NEGR1: variants seen among roughly 807,000 people sequenced by gnomAD.
NEGR1 encodes the protein IgLON family member 4.
In NEGR1, 10 loss-of-function variants were observed where a neutral mutation model predicts 40.9. The observed-to-expected ratio is 0.24, with a 90% confidence interval of 0.15 to 0.42. The LOEUF (loss-of-function observed/expected upper bound fraction) is 0.42. Among genes scored for constraint, NEGR1 ranks in the 10% least tolerant of loss-of-function variants. NEGR1 has a pLI of 1.00. For synonymous variants in NEGR1, 185 were observed against 166.8 expected (o/e 1.11, Z -0.84); for missense variants, 352 against 438.9 (o/e 0.80, Z 1.77).
intron 1 of NEGR1, among the ~76,000 whole-genome samples, chr1:72,090,550 A>G (rs1337328508): frequency 6.6e-6 from 1 of 152,102 alleles, no homozygotes; most frequent in Non-Finnish European, 1.5e-5. Flanking sequence ...AACCTATCTA[A>G]GTGCCTAATT....
At chr1:72,139,809 T>C (rs1240904626) in intron 1 of NEGR1, among the ~76,000 whole-genome samples, 1 of 152,080 alleles carries the variant, frequency 6.6e-6, no homozygotes, top group Non-Finnish European at 1.5e-5. Flanking sequence ...GATTGTATGA[T>C]GGATGGATTC....
intron 6 of NEGR1, among the ~76,000 whole-genome samples, chr1:71,419,739 C>T (rs1477005911): frequency 6.6e-6 from 1 of 152,008 alleles, no homozygotes; most frequent in Admixed American, 6.6e-5. Context: ...TACTCCTCTC[C>T]TCTGCAACCT....
intron 1 of NEGR1, among the ~76,000 whole-genome samples, chr1:72,196,625 C>T (rs1376986814): frequency 1.3e-5 from 2 of 149,766 alleles, no homozygotes; most frequent in Admixed American, 6.7e-5. Flanking sequence ...ACAAAATTAG[C>T]GAGGCGTAGT....
At chr1:71,835,463 A>G (rs561397922) in intron 2 of NEGR1, among the ~76,000 whole-genome samples, 2 of 152,264 alleles carry the variant, frequency 1.3e-5, no homozygotes, top group East Asian at 3.9e-4. Context: ...TTTTGTTATT[A>G]CTGTCCTGCA....
At chr1:72,242,109 C>T (rs1053326436) in intron 1 of NEGR1, among the ~76,000 whole-genome samples, 1 of 151,646 alleles carries the variant, frequency 6.6e-6, no homozygotes, top group African/African-American at 2.4e-5. Context: ...ATTATGGTGT[C>T]ATTATCATAG....
intron 1 of NEGR1, among the ~76,000 whole-genome samples, chr1:71,969,003 T>C (rs1646234096): frequency 6.6e-6 from 1 of 151,868 alleles, no homozygotes; most frequent in South Asian, 2.1e-4. Context: ...CTACATCTCA[T>C]ATGTTTTTTT....
intron 6 of NEGR1, among the ~76,000 whole-genome samples, chr1:71,428,812 T>C (rs540638813): frequency 6.6e-6 from 1 of 151,890 alleles, no homozygotes; most frequent in Non-Finnish European, 1.5e-5. Context: ...AAAATCTTTG[T>C]TCTTAAGCAC....
At chr1:72,210,587 C>T (rs555244016) in intron 1 of NEGR1, among the ~76,000 whole-genome samples, 11 of 151,828 alleles carry the variant, frequency 7.2e-5, no homozygotes, top group Non-Finnish European at 1.5e-4. Flanking sequence ...ATTTTTGTTG[C>T]AAAGTTGAAG....
intron 1 of NEGR1, among the ~76,000 whole-genome samples, chr1:72,073,802 CA>C (rs200568648): frequency 1.2e-4 from 17 of 141,838 alleles, no homozygotes; most frequent in African/African-American, 2.6e-4. Context: ...ATTTTTTTTC[CA>C]AAAAAAAATA....
rs937093439 is a variant in NEGR1 at position 71,400,494 on chromosome 1, A to G, written c.*6952T>C. 1 of 151,946 alleles carries G rather than the reference A, an allele frequency of 6.6e-6. No individual in the cohort carries two copies. The highest frequency in any genetic ancestry group is 2.4e-5 in the African/African-American group (1 of 41,380). The allele number at this position is 151,946 out of a possible 1,614,324, so 9.4% of individuals were successfully genotyped here. ...TCTTTTTAACAAGTGCCCAAAATAT[A>G]TTATTTTTTCAACAAGGTGGATTCT... On this transcript the variant is annotated 3_prime_UTR_variant, in exon 7 of 7. Transcript: ENST00000357731.
At chr1:71,724,858 T>A (rs1654622557) in intron 3 of NEGR1, among the ~76,000 whole-genome samples, 1 of 152,082 alleles carries the variant, frequency 6.6e-6, no homozygotes, top group African/African-American at 2.4e-5. Flanking sequence ...TTTCTTGTGA[T>A]CTCTAACCAC....
At chr1:72,051,677 G>A (rs1297517239) in intron 1 of NEGR1, among the ~76,000 whole-genome samples, 1 of 151,382 alleles carries the variant, frequency 6.6e-6, no homozygotes, top group Non-Finnish European at 1.5e-5. Context: ...GCACCTGTGA[G>A]GATTGGCAGC....
intron 2 of NEGR1, among the ~76,000 whole-genome samples, chr1:71,932,515 C>A (rs887962875): frequency 2.0e-5 from 3 of 151,950 alleles, no homozygotes; most frequent in Non-Finnish European, 4.4e-5. Context: ...ATTAATAGCT[C>A]TAAGAAATCA....
intron 1 of NEGR1, among the ~76,000 whole-genome samples, chr1:72,068,843 T>C (rs936731199): frequency 2.0e-5 from 3 of 152,132 alleles, no homozygotes; most frequent in Non-Finnish European, 4.4e-5. Flanking sequence ...TGTAAGGATA[T>C]AGTAGCAGCT....
intron 6 of NEGR1, among the ~76,000 whole-genome samples, chr1:71,560,997 T>C (rs1570033846): frequency 6.6e-6 from 1 of 151,634 alleles, no homozygotes; most frequent in East Asian, 1.9e-4. Context: ...TTTCCGAGAC[T>C]CAATTTTATG....
chr1:71,491,714 G>T (rs1646928980), intron 6 of NEGR1, among the ~76,000 whole-genome samples: 1 of 151,962 alleles, frequency 6.6e-6, no homozygotes, highest in African/African-American at 2.4e-5. Flanking sequence ...TACCACAGTA[G>T]CAAATGTTCT....
chr1:71,879,327 A>G (rs561629908), intron 2 of NEGR1, among the ~76,000 whole-genome samples: 1 of 152,258 alleles, frequency 6.6e-6, no homozygotes, highest in Non-Finnish European at 1.5e-5. Flanking sequence ...TCAATATAAG[A>G]AGAAAACTAA....
chr1:72,080,997 C>T (rs965004974), intron 1 of NEGR1, among the ~76,000 whole-genome samples: 3 of 151,614 alleles, frequency 2.0e-5, no homozygotes, highest in African/African-American at 7.3e-5. Flanking sequence ...ACTGGTTAAA[C>T]CAAAAAGGAC....
chr1:71,602,238 C>CTTTT lies in NEGR1; in HGVS notation c.788+8784_788+8787dup, dbSNP rs386367303. On this transcript the variant is annotated intron_variant, in intron 5 of 6. Transcript: ENST00000357731. ...CGTTCTTCTCTTGCCCATGATTATT[C>CTTTT]TTTTTTTTTTTTTTTTTTTTTTTTT... Among the ~76,000 whole-genome samples the CTTTT allele has an allele frequency of 3.7e-4, 24 of 64,572 alleles. 1 individual carries two copies. Among genetic ancestry groups the CTTTT allele is most frequent in the East Asian group, 1.9e-3 (3 of 1,604 alleles). The allele number at this position is 64,572 out of a possible 152,430, so 42.4% of individuals were successfully genotyped here.
Sources: allele counts gnomAD v4.1 joint callset (sites outside exome capture counted in the v4.1 genomes callset), GRCh38; gene constraint gnomAD v4.1.1; transcripts MANE v1.5; gene names NCBI Gene and HGNC (gene_info 2026-07-23, HGNC 2026-07-21).